GSKIP: variants seen among roughly 807,000 people sequenced by gnomAD.
The protein encoded by GSKIP is GSK3B-interacting protein.
A neutral mutation model predicts 11.9 loss-of-function variants in GSKIP; 5 were observed. The observed-to-expected ratio is 0.42, with a 90% CI of 0.22 to 0.89. GSKIP has a LOEUF of 0.89. Ranked by LOEUF, GSKIP falls within the 40% of genes least tolerant of loss-of-function variation. GSKIP has a pLI of 0.29. For synonymous variants in GSKIP, 70 were observed against 62.9 expected, an observed-to-expected ratio of 1.11 and a Z score of -0.54; for missense variants, 150 against 166.6, an observed-to-expected ratio of 0.90 and a Z score of 0.55.
rs929297145 is a variant in GSKIP, at chr14:96,387,105, T to C, written c.*1421T>C. 1 of 152,252 alleles carries C rather than the reference T, an allele frequency of 6.6e-6. No individual in the cohort carries two copies. Among genetic ancestry groups the C allele is most frequent in the African/African-American group, 2.4e-5 (1 of 41,472 alleles). 9.4% of individuals were successfully genotyped at this position (152,252 alleles called of 1,614,324 possible). On this transcript the variant is annotated 3_prime_UTR_variant, in exon 4 of 4. Transcript: ENST00000555181. Reference sequence around the variant, plus strand: ...CATTCTCAGCTTTATTTTCAGATGCTTAACTGGGCAACGAAGTCTAACTTC... The same window carrying C: ...CATTCTCAGCTTTATTTTCAGATGCCTAACTGGGCAACGAAGTCTAACTTC...
chr14:96,373,822 C>CT (rs1365444426), intron 1 of GSKIP, among the ~76,000 whole-genome samples: 1 of 152,190 alleles, frequency 6.6e-6, no homozygotes, highest in Non-Finnish European at 1.5e-5. Flanking sequence ...TTCCAGATAA[C>CT]TACCTCCCAG....
intron 1 of GSKIP, 101 bp from the exon 2 acceptor site, chr14:96,379,587 T>A (rs1889292506): frequency 6.6e-6 from 1 of 152,264 alleles, no homozygotes. Context: ...TTAATTTATA[T>A]GTATCATCAA....
At chr14:96,367,566 G>T (rs1030533755) in intron 1 of GSKIP, among the ~76,000 whole-genome samples, 1 of 152,168 alleles carries the variant, frequency 6.6e-6, no homozygotes, top group Non-Finnish European at 1.5e-5. Flanking sequence ...GTCAGACTAA[G>T]TATATATGAC....
intron 1 of GSKIP, among the ~76,000 whole-genome samples, chr14:96,375,170 G>A (rs907328009): frequency 3.3e-5 from 5 of 151,862 alleles, no homozygotes; most frequent in Non-Finnish European, 7.4e-5. Context: ...AAAAAATATC[G>A]TTAATAAGAA....
At chr14:96,373,614 A>G (rs1009365127) in intron 1 of GSKIP, among the ~76,000 whole-genome samples, 5 of 152,022 alleles carry the variant, frequency 3.3e-5, no homozygotes, top group Non-Finnish European at 7.4e-5. Flanking sequence ...AAAAAAAAAG[A>G]ATTACAGGAA....
In GSKIP at chr14:96,386,442, G is replaced by A. The variant is rs1889492779; in HGVS notation, c.*758G>A. ...TTTTCTTAACAAAAAAGCATCTTCA[G>A]TGTGTGATTTAAAAGAAAGAAGATT... is the stretch of plus-strand genomic sequence containing the variant. On this transcript the variant is annotated 3_prime_UTR_variant, in exon 4 of 4. Coordinates refer to ENST00000555181, the MANE Select transcript of GSKIP (RefSeq NM_016472.5). The A allele has an allele frequency of 1.3e-5, 2 of 152,566 alleles. No homozygotes were observed. Among genetic ancestry groups the A allele is most frequent in the African/African-American group, 4.8e-5 (2 of 41,438 alleles). 9.5% of individuals were successfully genotyped at this position (152,566 alleles called of 1,614,324 possible).
intron 1 of GSKIP, among the ~76,000 whole-genome samples, chr14:96,377,907 A>G (rs1023948316): frequency 6.6e-6 from 1 of 152,230 alleles, no homozygotes; most frequent in South Asian, 2.1e-4. Context: ...ACATGTTGCT[A>G]TGATGATGCT....
chr14:96,368,317 T>A (rs1888953956), intron 1 of GSKIP, among the ~76,000 whole-genome samples: 1 of 151,950 alleles, frequency 6.6e-6, no homozygotes, highest in African/African-American at 2.4e-5. Context: ...TAGCTGGGAC[T>A]ACAGGCTTGT....
intron 2 of GSKIP, among the ~76,000 whole-genome samples, chr14:96,381,630 A>G (rs1164919558): frequency 6.6e-6 from 1 of 152,216 alleles, no homozygotes; most frequent in Non-Finnish European, 1.5e-5. Flanking sequence ...GTATGATCTT[A>G]GAACTAAAAC....
rs769176643 is a variant in GSKIP, at chr14:96,382,289, A to G, written c.42A>G (p.Ser14=). 3.7e-5 allele frequency: 60 copies of G among 1,611,570 alleles called. No individual in the cohort carries two copies. The Middle Eastern group carries it at 9.9e-4, about 27-fold the overall frequency. The part of the protein sequence containing the change: ...DCNPMELSSM[S]GFEEGSELNG... ...ATCCCATGGAGCTAAGCAGTATGTC[A>G]GGATTTGAAGAAGGTTCAGAGCTGA... Residue 14 remains serine (S), a synonymous_variant, in exon 3 of 4, where the codon TCA becomes TCG. Coordinates refer to ENST00000555181, the MANE Select transcript of GSKIP (RefSeq NM_016472.5).
chr14:96,371,263 A>T (rs1371875902), intron 1 of GSKIP, among the ~76,000 whole-genome samples: 1 of 152,206 alleles, frequency 6.6e-6, no homozygotes, highest in Non-Finnish European at 1.5e-5. Flanking sequence ...TGATGCTACC[A>T]GTTATTTTAA....
chr14:96,364,812 A>T (rs1888823958), intron 1 of GSKIP: 1 of 152,254 alleles, frequency 6.6e-6, no homozygotes, highest in Non-Finnish European at 1.5e-5. Context: ...TCTAAAACGG[A>T]AGCATGGTGG....
chr14:96,379,296 T>A (rs1401945548), intron 1 of GSKIP, among the ~76,000 whole-genome samples: 1 of 152,152 alleles, frequency 6.6e-6, no homozygotes, highest in East Asian at 1.9e-4. Flanking sequence ...AGAGCGAGAC[T>A]CTGTCTCAAA....
At chr14:96,378,204 A>T (rs1318067506) in intron 1 of GSKIP, among the ~76,000 whole-genome samples, 1 of 152,084 alleles carries the variant, frequency 6.6e-6, no homozygotes, top group Non-Finnish European at 1.5e-5. Flanking sequence ...AAAAAATAGA[A>T]TCACCCGGAC....
chr14:96,367,148 T>C (rs1041669988), intron 1 of GSKIP, among the ~76,000 whole-genome samples: 4 of 152,248 alleles, frequency 2.6e-5, no homozygotes, highest in Non-Finnish European at 5.9e-5. Context: ...TTTCAGCTGT[T>C]TGCCCAGCAC....
Position 96,382,298 on chromosome 14 carries a change from A to G in GSKIP, c.51A>G (p.Glu17=), listed in dbSNP as rs139307095. 3,727 of 1,613,204 alleles carry G rather than the reference A, an allele frequency of 2.3e-3. 45 individuals carry two copies. Among genetic ancestry groups the G allele is most frequent in the South Asian group, 0.017 (1,514 of 91,046 alleles). Residue 17 remains glutamate, a synonymous_variant, in exon 3 of 4, where the codon GAA becomes GAG. Coordinates refer to ENST00000555181, the MANE Select transcript of GSKIP (RefSeq NM_016472.5). ...AGCTAAGCAGTATGTCAGGATTTGA[A>G]GAAGGTTCAGAGCTGAACGGTTTTG... The part of the protein sequence containing the change: ...PMELSSMSGF[E]EGSELNGFEG...
Position 96,386,755 on chromosome 14 carries a change from A to G in GSKIP, c.*1071A>G, listed in dbSNP as rs1889501253. The G allele has an allele frequency of 6.6e-6, 1 of 152,644 alleles. No homozygotes were observed. The highest frequency in any genetic ancestry group is 1.5e-5 in the Non-Finnish European group (1 of 68,046). 9.5% of individuals were successfully genotyped at this position (152,644 alleles called of 1,614,324 possible). ...TTGAAAAAGGAATAGTCAGTATTTT[A>G]TATTTTATTACAGGTACTGATATTT... On this transcript the variant is annotated 3_prime_UTR_variant, in exon 4 of 4. Coordinates refer to ENST00000555181, the MANE Select transcript of GSKIP (RefSeq NM_016472.5).
intron 2 of GSKIP, 132 bp from the exon 3 acceptor site, chr14:96,382,109 AGTATTT>A (rs1188816923): frequency 7.4e-6 from 4 of 537,082 alleles, no homozygotes; most frequent in Non-Finnish European, 1.3e-5. Flanking sequence ...GTTTTTAGAT[AGTATTT>A]TTCCTAACAA....
chr14:96,372,569 T>G lies in GSKIP; in HGVS notation c.-102-7119T>G, dbSNP rs150257034. 4.4e-3 allele frequency among the ~76,000 whole-genome samples: 674 copies of G among 152,366 alleles called. 26 individuals are homozygous for G. In the South Asian group the frequency reaches 0.067, roughly 15 times the overall value. On this transcript the variant is annotated intron_variant, in intron 1 of 3. Transcript: ENST00000555181. Reference sequence around the variant, plus strand: ...GATCTCATAAAACATATGGTGAGCATGTGTCAAAATGCATTTAATTCATTA... The same window carrying G: ...GATCTCATAAAACATATGGTGAGCAGGTGTCAAAATGCATTTAATTCATTA...
Sources: allele counts gnomAD v4.1 joint callset (sites outside exome capture counted in the v4.1 genomes callset), GRCh38; gene constraint gnomAD v4.1.1; transcripts MANE v1.5; gene names NCBI Gene and HGNC (gene_info 2026-07-23, HGNC 2026-07-21).